Variants in KALRN observed in about 807,000 individuals in gnomAD.
KALRN encodes kalirin RhoGEF kinase, also known as kalirin.
KALRN carries 70 observed loss-of-function variants against 353.7 expected under a neutral mutation model. That is an observed-to-expected ratio of 0.20 (90% CI 0.16 to 0.24). The LOEUF (loss-of-function observed/expected upper bound fraction) is 0.24, where lower values mean the gene tolerates loss of function less well. KALRN is among the 10% of genes least tolerant of loss of function. The pLI is 1.00. For synonymous variants in KALRN, 1,391 were observed against 1,434.8 expected (o/e 0.97, Z 0.69); for missense variants, 2,791 against 3,756.7 (o/e 0.74, Z 6.72).
At chr3:124,613,026 G>A (rs1344942435) in intron 34 of KALRN, among the ~76,000 whole-genome samples, 1 of 152,224 alleles carries the variant, frequency 6.6e-6, no homozygotes, top group East Asian at 1.9e-4. Context: ...CTGCAGGGAT[G>A]CCTGTAGTAC....
At chr3:124,179,020 T>G (rs1430266770) in intron 1 of KALRN, among the ~76,000 whole-genome samples, 1 of 152,108 alleles carries the variant, frequency 6.6e-6, no homozygotes, top group Non-Finnish European at 1.5e-5. Flanking sequence ...AGTGGGAGGA[T>G]TGCTTGAGCC....
chr3:124,446,742 A>T (rs745478850), intron 20 of KALRN, 21 bp from the exon 21 acceptor site: 23 of 1,613,630 alleles, frequency 1.4e-5, no homozygotes, highest in Non-Finnish European at 1.9e-5. Flanking sequence ...TGGGGACTGG[A>T]TGAGTTGTTT....
chr3:124,443,776 G>C (rs554837064), intron 19 of KALRN, among the ~76,000 whole-genome samples: 1 of 152,040 alleles, frequency 6.6e-6, no homozygotes, highest in African/African-American at 2.4e-5. Flanking sequence ...TTCAGGAAGA[G>C]GGGGGAAAAT....
intron 11 of KALRN, among the ~76,000 whole-genome samples, chr3:124,388,372 A>T (rs986974586): frequency 6.6e-6 from 1 of 152,040 alleles, no homozygotes; most frequent in Non-Finnish European, 1.5e-5. Flanking sequence ...GGTGCTTCCA[A>T]CTTTCACCCA....
intron 14 of KALRN, 66 bp from the exon 15 acceptor site, chr3:124,422,746 A>G: frequency 7.5e-7 from 1 of 1,326,626 alleles, no homozygotes; most frequent in Non-Finnish European, 1.1e-6. Flanking sequence ...TCTTATGCAT[A>G]TTGAAGGGAA....
chr3:124,054,890 A>C (rs2041381908), intron 1 of KALRN, among the ~76,000 whole-genome samples: 1 of 152,232 alleles, frequency 6.6e-6, no homozygotes, highest in African/African-American at 2.4e-5. Context: ...CAGTAGTTCC[A>C]ACCAAAGGAT....
chr3:124,395,872 C>G (rs1359172178), intron 12 of KALRN, among the ~76,000 whole-genome samples: 3 of 152,168 alleles, frequency 2.0e-5, no homozygotes. Context: ...CCTTGCTGCC[C>G]AGAAAATAAA....
intron 2 of KALRN, among the ~76,000 whole-genome samples, chr3:124,231,978 A>G (rs947778547): frequency 1.3e-5 from 2 of 152,222 alleles, no homozygotes; most frequent in African/African-American, 4.8e-5. Context: ...ATGCACGTCC[A>G]AGATCTTGAC....
Position 124,269,192 on chromosome 3 carries a change from T to C in KALRN, c.906T>C (p.His302=), listed in dbSNP as rs2272486. ...STRQHLHQMW[H]VRKLKLDQCF... is the part of the protein sequence containing the mutation. ...GGCAGCACCTGCACCAGATGTGGCATGTGCGCAAGCTCAAGCTGGACCAGT... is the reference window on the plus strand; with the variant it reads ...GGCAGCACCTGCACCAGATGTGGCACGTGCGCAAGCTCAAGCTGGACCAGT... Residue 302 remains histidine, a synonymous_variant, in exon 5 of 60, where the codon CAT becomes CAC. Coordinates refer to ENST00000682506, the MANE Select transcript of KALRN (RefSeq NM_001388419.1). The C allele has an allele frequency of 0.62, 994,451 of 1,610,832 alleles. 307,770 individuals are homozygous for C. Among genetic ancestry groups the C allele is most frequent in the Admixed American group, 0.68 (40,649 of 59,956 alleles).
intron 57 of KALRN, among the ~76,000 whole-genome samples, chr3:124,706,508 G>T (rs1042359902): frequency 3.9e-5 from 6 of 152,122 alleles, no homozygotes; most frequent in African/African-American, 1.4e-4. Flanking sequence ...AAATCACTCT[G>T]TAGTAAAGTA....
chr3:124,068,051 C>CA (rs1559897507), intron 1 of KALRN, among the ~76,000 whole-genome samples: 1 of 152,230 alleles, frequency 6.6e-6, no homozygotes, highest in African/African-American at 2.4e-5. Flanking sequence ...TAGACTTACA[C>CA]AGAGGAACAA....
chr3:124,446,677 C>G (rs1342428255), intron 20 of KALRN, 86 bp from the exon 21 acceptor site: 3 of 1,526,798 alleles, frequency 2.0e-6, no homozygotes, highest in Non-Finnish European at 2.7e-6. Context: ...TTAAGTTGTC[C>G]CAACAATAAC....
rs185346872 is a variant in KALRN at position 124,355,287 on chromosome 3, A to G, written c.1770+8022A>G. On this transcript the variant is annotated intron_variant, in intron 10 of 59. Coordinates refer to ENST00000682506, the MANE Select transcript of KALRN (RefSeq NM_001388419.1). ...ATATAAATTAAAATATAATATCTAA[A>G]CCAGAGAAATAATAATTATACTGTC... Among the ~76,000 whole-genome samples the G allele has an allele frequency of 4.4e-3, 666 of 152,330 alleles. 4 individuals are homozygous for G. The Middle Eastern group carries it at 0.044, about 10-fold the overall frequency.
chr3:124,668,051 C>CACACACACAT (rs2085877317), intron 47 of KALRN, among the ~76,000 whole-genome samples: 1 of 43,794 alleles, frequency 2.3e-5, no homozygotes, highest in African/African-American at 1.0e-4. Flanking sequence ...GAGACACACA[C>CACACACACAT]ACACACACAC....
intron 6 of KALRN, 67 bp from the exon 7 acceptor site, chr3:124,325,912 AC>A: frequency 2.3e-6 from 3 of 1,331,880 alleles, no homozygotes. Context: ...CCAAATATGT[AC>A]CCCACGAAAG....
intron 1 of KALRN, among the ~76,000 whole-genome samples, chr3:124,182,992 T>A (rs2073806517): frequency 6.6e-6 from 1 of 152,224 alleles, no homozygotes; most frequent in Admixed American, 6.5e-5. Context: ...TGTTGTGAAC[T>A]GAATTGTGCC....
chr3:124,463,145 A>G (rs1462307101), intron 25 of KALRN, among the ~76,000 whole-genome samples: 2 of 152,250 alleles, frequency 1.3e-5, no homozygotes, highest in African/African-American at 4.8e-5. Context: ...AAAACTTCAC[A>G]AGTCATTGTT....
At chr3:124,396,820 A>G (rs534569522) in intron 12 of KALRN, among the ~76,000 whole-genome samples, 1 of 152,338 alleles carries the variant, frequency 6.6e-6, no homozygotes, top group African/African-American at 2.4e-5. Flanking sequence ...GGTTTCAGAG[A>G]GTACCGTAGG....
In KALRN at chr3:124,702,056, C is replaced by T. The variant is rs1206406752; in HGVS notation, c.8015C>T (p.Ala2672Val). ...TCCGAAGATGCTGCTGCTGATGGTG[C>T]CACCATTTCTTGGAAGGAAAATTTT... is the stretch of plus-strand genomic sequence containing the variant. ...LPEYDAAADG[A>V]TISWKENFDS... Residue 2672 changes from alanine (A) to valine (V), a missense_variant, in exon 57 of 60, where the codon GCC becomes GTC. Coordinates refer to ENST00000682506, the MANE Select transcript of KALRN (RefSeq NM_001388419.1). 2.5e-6 allele frequency: 4 copies of T among 1,613,338 alleles called. No homozygotes were observed. The highest frequency in any genetic ancestry group is 3.4e-6 in the Non-Finnish European group (4 of 1,179,634).
Sources: allele counts gnomAD v4.1 joint callset (sites outside exome capture counted in the v4.1 genomes callset), GRCh38; gene constraint gnomAD v4.1.1; transcripts MANE v1.5; gene names NCBI Gene and HGNC (gene_info 2026-07-23, HGNC 2026-07-21).